The following MYO1D variants were observed in gnomAD, a reference collection of about 807,000 sequenced individuals.
MYO1D encodes unconventional myosin-Id.
In MYO1D, 83 loss-of-function variants were observed where a neutral mutation model predicts 122.0. The ratio of observed to expected loss-of-function variants is 0.68; its 90% CI spans 0.57 to 0.82. The LOEUF is 0.82. Among genes scored for constraint, MYO1D ranks in the 40% least tolerant of loss-of-function variants. The pLI is 0.00. For synonymous variants in MYO1D, 464 were observed against 446.9 expected (o/e 1.04, Z -0.48); for missense variants, 1,157 against 1,269.5 (o/e 0.91, Z 1.35).
intron 14 of MYO1D, among the ~76,000 whole-genome samples, chr17:32,728,330 C>A (rs993231977): frequency 6.6e-6 from 1 of 151,946 alleles, no homozygotes; most frequent in Non-Finnish European, 1.5e-5. Flanking sequence ...CTCAGCCTCC[C>A]GAACAGCTGG....
chr17:32,647,692 T>C (rs1310651782), intron 19 of MYO1D, among the ~76,000 whole-genome samples: 5 of 149,010 alleles, frequency 3.4e-5, no homozygotes, highest in African/African-American at 1.2e-4. Context: ...TATACATTTT[T>C]TTTTTTTTTT....
At chr17:32,831,553 T>C (rs1034863376) in intron 1 of MYO1D, among the ~76,000 whole-genome samples, 4 of 152,224 alleles carry the variant, frequency 2.6e-5, no homozygotes, top group South Asian at 2.1e-4. Context: ...TTCCACTAAT[T>C]TGTTTTTAGA....
chr17:32,580,705 G>A (rs892994506), intron 21 of MYO1D, among the ~76,000 whole-genome samples: 3 of 151,990 alleles, frequency 2.0e-5, no homozygotes, highest in Non-Finnish European at 4.4e-5. Context: ...CACTGCTCCC[G>A]GACTATCTGG....
At position 32,849,669 on chromosome 17, in the gene MYO1D, G is replaced by C. The variant is rs904841608; in HGVS notation, c.95+27109C>G. Among the ~76,000 whole-genome samples the C allele has an allele frequency of 4.0e-5, 6 of 151,202 alleles. No individual in the cohort carries two copies. The East Asian group carries it at 1.2e-3, about 29-fold the overall frequency. ...CACACTCTGGGGACTGTTGTGGGGTGGGGGGAGAGGGGAGGGATAGCATTG... is the reference window on the plus strand; with the variant it reads ...CACACTCTGGGGACTGTTGTGGGGTCGGGGGAGAGGGGAGGGATAGCATTG... On this transcript the variant is annotated intron_variant, in intron 1 of 21. Transcript: ENST00000318217.
chr17:32,648,040 C>G (rs2088322359), intron 19 of MYO1D, among the ~76,000 whole-genome samples: 1 of 152,094 alleles, frequency 6.6e-6, no homozygotes, highest in Non-Finnish European at 1.5e-5. Flanking sequence ...ATGGTGAAAC[C>G]CTGCCTATAC....
Position 32,760,492 on chromosome 17 carries a change from C to G in MYO1D, c.1171G>C (p.Asp391His). The G allele has an allele frequency of 6.2e-7, 1 of 1,612,906 alleles. No individual in the cohort carries two copies. The highest frequency in any genetic ancestry group is 1.3e-5 in the African/African-American group (1 of 74,984). ...TCTTTTCCAGTTTACCTGTTGTTGT[C>G]AAAGATTTCAAAGCCATAGATATCC... ...VLDIYGFEIF[D>H]NNSFEQFCIN... is the part of the protein sequence containing the mutation. The change falls in exon 9 of 22, where the codon GAC becomes CAC. Residue 391 changes from aspartate (D) to histidine (H), a missense_variant. Physicochemically the swap from Asp to His is moderately conservative, Grantham distance 81 (BLOSUM62 -1). Coordinates refer to ENST00000318217, the MANE Select transcript of MYO1D (RefSeq NM_015194.3).
intron 21 of MYO1D, among the ~76,000 whole-genome samples, chr17:32,563,670 T>C (rs982953633): frequency 2.0e-5 from 3 of 152,176 alleles, no homozygotes; most frequent in African/African-American, 7.2e-5. Context: ...TAACAAACAT[T>C]TGGAAAAACA....
intron 21 of MYO1D, among the ~76,000 whole-genome samples, chr17:32,588,534 G>T (rs1386290647): frequency 1.3e-5 from 2 of 152,010 alleles, no homozygotes; most frequent in South Asian, 2.1e-4. Context: ...CTGTTAGAAG[G>T]GACATATTCA....
In MYO1D at chr17:32,712,176, A is replaced by G. The variant is rs1229930908; in HGVS notation, c.1933T>C (p.Phe645Leu). Reference protein sequence around the residue: ...FLHRYKMISEFTWPNHDLPSD... With the variant: ...FLHRYKMISELTWPNHDLPSD... ...GGAAGGTCATGGTTGGGCCAGGTGA[A>G]TTCAGAGATCATCTTATACCTGGAT... Residue 645 changes from phenylalanine (F) to leucine (L), a missense_variant, in exon 16 of 22, where the codon TTC (phenylalanine) becomes CTC (leucine). Phe to Leu is a conservative substitution (Grantham distance 22, BLOSUM62 0). Coordinates refer to ENST00000318217, the MANE Select transcript of MYO1D (RefSeq NM_015194.3). 1.5e-5 allele frequency: 25 copies of G among 1,613,486 alleles called. No homozygotes were observed. The highest frequency in any genetic ancestry group is 2.1e-5 in the Non-Finnish European group (25 of 1,179,638).
intron 21 of MYO1D, among the ~76,000 whole-genome samples, chr17:32,569,340 C>T (rs1200843497): frequency 6.6e-6 from 1 of 152,198 alleles, no homozygotes; most frequent in African/African-American, 2.4e-5. Flanking sequence ...GCTGACTAAT[C>T]GAGGAAGTGT....
intron 1 of MYO1D, among the ~76,000 whole-genome samples, chr17:32,818,697 G>A (rs1291749997): frequency 6.6e-6 from 1 of 152,148 alleles, no homozygotes; most frequent in Non-Finnish European, 1.5e-5. Context: ...TAGCGATCTT[G>A]GGCAAGGGGT....
intron 6 of MYO1D, among the ~76,000 whole-genome samples, chr17:32,768,174 G>A (rs1180777901): frequency 6.6e-6 from 1 of 152,204 alleles, no homozygotes; most frequent in Non-Finnish European, 1.5e-5. Flanking sequence ...ATTTAGGCTG[G>A]CAACAACACT....
intron 16 of MYO1D, among the ~76,000 whole-genome samples, chr17:32,693,666 C>A (rs1276448365): frequency 6.6e-6 from 1 of 152,190 alleles, no homozygotes; most frequent in East Asian, 1.9e-4. Flanking sequence ...ATCACCCAGG[C>A]AACGGATTTG....
At chr17:32,794,998 A>G (rs919404541) in intron 1 of MYO1D, among the ~76,000 whole-genome samples, 3 of 152,080 alleles carry the variant, frequency 2.0e-5, no homozygotes, top group Admixed American at 1.3e-4. Flanking sequence ...AAGAGTAGAG[A>G]TATAATCTAT....
At chr17:32,694,497 C>A (rs1406946514) in intron 16 of MYO1D, among the ~76,000 whole-genome samples, 2 of 151,896 alleles carry the variant, frequency 1.3e-5, no homozygotes, top group Non-Finnish European at 2.9e-5. Flanking sequence ...GTCAGGAGAT[C>A]GAGACCATCC....
chr17:32,766,779 G>T (rs558546246), intron 7 of MYO1D, among the ~76,000 whole-genome samples: 10 of 148,966 alleles, frequency 6.7e-5, no homozygotes, highest in Non-Finnish European at 3.0e-5. Flanking sequence ...GTGACAGAGC[G>T]AGATTCCATC....
At chr17:32,789,115 T>C (rs929796080) in intron 1 of MYO1D, among the ~76,000 whole-genome samples, 2 of 152,222 alleles carry the variant, frequency 1.3e-5, no homozygotes, top group African/African-American at 4.8e-5. Flanking sequence ...ACTGATTTCA[T>C]ATCCTGAGAC....
At chr17:32,497,908 A>G (rs759632053) in intron 21 of MYO1D, 76 of 152,314 alleles carry the variant, frequency 5.0e-4, no homozygotes, top group Non-Finnish European at 1.0e-3. Context: ...CCAGCCCCAC[A>G]GCTGCTCAGT....
At chr17:32,860,718 G>C (rs2091064703) in intron 1 of MYO1D, among the ~76,000 whole-genome samples, 1 of 152,206 alleles carries the variant, frequency 6.6e-6, no homozygotes, top group South Asian at 2.1e-4. Context: ...AAAGCTAGGA[G>C]ACAGATTTTT....
Sources: allele counts gnomAD v4.1 joint callset (sites outside exome capture counted in the v4.1 genomes callset), GRCh38; gene constraint gnomAD v4.1.1; transcripts MANE v1.5; gene names NCBI Gene and HGNC (gene_info 2026-07-23, HGNC 2026-07-21).